NKAIN3: variants seen among roughly 807,000 people sequenced by gnomAD.
NKAIN3 encodes the protein sodium/potassium transporting ATPase interacting 3.
NKAIN3 carries 25 observed loss-of-function variants against 30.2 expected under a neutral mutation model. The observed-to-expected ratio is 0.83, with a 90% CI of 0.60 to 1.16. The LOEUF is 1.16. Among genes scored for constraint, NKAIN3 ranks in the 50% most tolerant of loss-of-function variants. The pLI is 0.00. For missense variants in NKAIN3, 225 were observed against 254.1 expected (o/e 0.89, Z 0.78); for synonymous variants, 91 against 89.6 (o/e 1.02, Z -0.09).
intron 5 of NKAIN3, among the ~76,000 whole-genome samples, chr8:62,921,517 G>A (rs376800119): frequency 4.6e-5 from 7 of 152,180 alleles, no homozygotes; most frequent in South Asian, 2.1e-4. Flanking sequence ...CTAGCCACCC[G>A]TCTTCTTAGT....
intron 1 of NKAIN3, among the ~76,000 whole-genome samples, chr8:62,548,978 A>C (rs1809106684): frequency 6.6e-6 from 1 of 152,156 alleles, no homozygotes; most frequent in Admixed American, 6.5e-5. Context: ...TAGCATCATT[A>C]GGTATCATTC....
At chr8:62,505,904 C>A (rs1301807864) in intron 1 of NKAIN3, among the ~76,000 whole-genome samples, 1 of 152,054 alleles carries the variant, frequency 6.6e-6, no homozygotes, top group Non-Finnish European at 1.5e-5. Flanking sequence ...GGGCTGGATT[C>A]TTTTATGGTG....
intron 1 of NKAIN3, among the ~76,000 whole-genome samples, chr8:62,454,978 T>A (rs1805768513): frequency 6.6e-6 from 1 of 152,174 alleles, no homozygotes; most frequent in South Asian, 2.1e-4. Flanking sequence ...ACATGCCAAC[T>A]CAGGTGGAAT....
intron 3 of NKAIN3, among the ~76,000 whole-genome samples, chr8:62,612,259 C>T (rs1811317249): frequency 6.6e-6 from 1 of 151,946 alleles, no homozygotes; most frequent in South Asian, 2.1e-4. Context: ...CTCTCTTTAG[C>T]TCTAATAATA....
intron 4 of NKAIN3, among the ~76,000 whole-genome samples, chr8:62,793,167 G>A (rs1394622547): frequency 1.3e-5 from 2 of 151,580 alleles, no homozygotes; most frequent in Admixed American, 6.6e-5. Flanking sequence ...CCCAGTCAAC[G>A]TTTTTCAGGT....
intron 1 of NKAIN3, among the ~76,000 whole-genome samples, chr8:62,429,523 G>T (rs1049713677): frequency 3.9e-5 from 6 of 151,906 alleles, no homozygotes; most frequent in African/African-American, 1.4e-4. Flanking sequence ...ATTTTTGCAT[G>T]AATGTTCATC....
intron 1 of NKAIN3, among the ~76,000 whole-genome samples, chr8:62,513,744 A>C (rs1301970934): frequency 1.3e-5 from 2 of 151,026 alleles, no homozygotes; most frequent in African/African-American, 4.9e-5. Flanking sequence ...GGTGGCGCAC[A>C]CATGTAGTCC....
intron 3 of NKAIN3, among the ~76,000 whole-genome samples, chr8:62,702,720 C>A (rs1489884377): frequency 1.3e-5 from 2 of 152,118 alleles, no homozygotes; most frequent in Non-Finnish European, 2.9e-5. Flanking sequence ...TTGAAAAATT[C>A]TAGATGGCTT....
intron 1 of NKAIN3, among the ~76,000 whole-genome samples, chr8:62,414,394 G>A (rs1399256775): frequency 6.7e-6 from 1 of 149,110 alleles, no homozygotes; most frequent in Non-Finnish European, 1.5e-5. Flanking sequence ...TTTACATTGA[G>A]GAATGGGAAG....
At chr8:62,726,225 GT>G (rs1304510017) in intron 3 of NKAIN3, among the ~76,000 whole-genome samples, 1 of 151,916 alleles carries the variant, frequency 6.6e-6, no homozygotes, top group Non-Finnish European at 1.5e-5. Flanking sequence ...ATCAGTTGGA[GT>G]CTTTAGGTTT....
At position 62,604,740 on chromosome 8, in the gene NKAIN3, C is replaced by T. The variant is rs183928078; in HGVS notation, c.273+14946C>T. On this transcript the variant is annotated intron_variant, in intron 3 of 6. Transcript: ENST00000623646. The stretch of plus-strand genomic sequence containing the variant: ...CAAAAGTTAATTGAAATTTAGCAAA[C>T]TTCAAAGAAAAAGAAAGAATATCCA... Among the ~76,000 whole-genome samples, 524 of 152,102 alleles carry T rather than the reference C, an allele frequency of 3.4e-3. 2 individuals carry two copies. The highest frequency in any genetic ancestry group is 0.011 in the African/African-American group (456 of 41,498).
chr8:62,604,100 G>C (rs16929260), intron 3 of NKAIN3, among the ~76,000 whole-genome samples: 3,442 of 152,152 alleles, frequency 0.023, 90 homozygotes, highest in African/African-American at 0.072. Context: ...AAACAGGAGA[G>C]ATTCCATCCT....
intron 1 of NKAIN3, among the ~76,000 whole-genome samples, chr8:62,441,583 A>C (rs1053622153): frequency 6.6e-6 from 1 of 151,816 alleles, no homozygotes; most frequent in Non-Finnish European, 1.5e-5. Context: ...GGTATAGGTA[A>C]ATTTTTGAAA....
At chr8:62,870,585 C>CAT (rs1417329546) in intron 4 of NKAIN3, among the ~76,000 whole-genome samples, 1 of 132,594 alleles carries the variant, frequency 7.5e-6, no homozygotes, top group Non-Finnish European at 1.6e-5. Context: ...ATATATAGTA[C>CAT]ATATATATAC....
intron 3 of NKAIN3, among the ~76,000 whole-genome samples, chr8:62,720,963 G>A (rs1019167168): frequency 6.6e-6 from 1 of 152,126 alleles, no homozygotes; most frequent in Non-Finnish European, 1.5e-5. Flanking sequence ...CTGCCGCATC[G>A]CTTACTTCAT....
At chr8:62,295,455 G>C (rs1296121886) in intron 1 of NKAIN3, among the ~76,000 whole-genome samples, 1 of 152,116 alleles carries the variant, frequency 6.6e-6, no homozygotes, top group Non-Finnish European at 1.5e-5. Flanking sequence ...CTCACATCAT[G>C]GTTTGAATCC....
At chr8:62,281,385 C>G (rs1813184385) in intron 1 of NKAIN3, among the ~76,000 whole-genome samples, 1 of 152,072 alleles carries the variant, frequency 6.6e-6, no homozygotes, top group South Asian at 2.1e-4. Context: ...TTCAATTCTG[C>G]TCTGATCTTA....
intron 1 of NKAIN3, among the ~76,000 whole-genome samples, chr8:62,439,631 T>G (rs1805267890): frequency 6.6e-6 from 1 of 152,218 alleles, no homozygotes; most frequent in Admixed American, 6.5e-5. Context: ...TCCAATCTAA[T>G]TCAGAATCAT....
intron 1 of NKAIN3, among the ~76,000 whole-genome samples, chr8:62,296,739 A>G (rs1373395808): frequency 6.6e-6 from 1 of 152,138 alleles, no homozygotes; most frequent in Non-Finnish European, 1.5e-5. Context: ...CTACATGGCA[A>G]CAGCTCCAGG....
Sources: allele counts gnomAD v4.1 joint callset (sites outside exome capture counted in the v4.1 genomes callset), GRCh38; gene constraint gnomAD v4.1.1; transcripts MANE v1.5; gene names NCBI Gene and HGNC (gene_info 2026-07-23, HGNC 2026-07-21).